The following SYNJ2 variants were observed in gnomAD, a reference collection of about 807,000 sequenced individuals.
The protein encoded by SYNJ2 is synaptojanin 2, also known as polyphosphatidylinositol phosphatase SYNJ2.
Under a neutral mutation model 141.3 loss-of-function variants are expected in SYNJ2, and 116 were observed. The ratio of observed to expected loss-of-function variants is 0.82; its 90% CI spans 0.71 to 0.96. The LOEUF is 0.96. Ranked by LOEUF, SYNJ2 falls within the 40% of genes least tolerant of loss-of-function variation. SYNJ2 has a pLI of 0.00. For synonymous variants in SYNJ2, 745 were observed against 777.7 expected (o/e 0.96, Z 0.70); for missense variants, 1,873 against 1,934.8 (o/e 0.97, Z 0.60).
At position 158,064,539 on chromosome 6, in the gene SYNJ2, G is replaced by C. The variant is rs1470846198; in HGVS notation, c.1210-62G>C. 4 of 1,589,470 alleles carry C rather than the reference G, an allele frequency of 2.5e-6. No individual in the cohort carries two copies. The Admixed American group carries it at 6.8e-5, about 27-fold the overall frequency. On this transcript the variant is annotated intron_variant, in intron 9 of 26. Coordinates refer to ENST00000355585, the MANE Select transcript of SYNJ2 (RefSeq NM_003898.4). ...GGCTGCCGAATAAGGAACCTCCTGG[G>C]ACAGTGGCTGCAGGGCCTCTGTGGG...
At chr6:158,063,590 C>A (rs908507172) in intron 8 of SYNJ2, among the ~76,000 whole-genome samples, 1 of 127,012 alleles carries the variant, frequency 7.9e-6, no homozygotes, top group Non-Finnish European at 1.6e-5. Flanking sequence ...ACCTGGGAGG[C>A]GGAGGTTGCA....
Position 158,069,541 on chromosome 6 carries a change from A to T in SYNJ2, c.1808A>T (p.Asn603Ile), listed in dbSNP as rs753131741. 6.2e-7 allele frequency: 1 copy of T among 1,612,898 alleles called. No individual in the cohort carries two copies. Among genetic ancestry groups the T allele is most frequent in the Non-Finnish European group, 8.5e-7 (1 of 1,179,212 alleles). ...TTCCTTTTCTCTTCCAGTACTACCA[A>T]CAAGAAGATGTGGGGTGAACAGCTT... Reference protein sequence around the residue: ...AGNIVNASTTNKKMWGEQLQK... With the variant: ...AGNIVNASTTIKKMWGEQLQK... The change falls in exon 14 of 27, where the codon AAC becomes ATC. Residue 603 changes from asparagine to isoleucine, a missense_variant. Physicochemically the swap from Asn to Ile is moderately radical, Grantham distance 149. Transcript: ENST00000355585.
chr6:158,058,108 T>C (rs1780980879), intron 6 of SYNJ2, among the ~76,000 whole-genome samples: 1 of 152,212 alleles, frequency 6.6e-6, no homozygotes, highest in Admixed American at 6.5e-5. Context: ...TTTAAAAAAT[T>C]CCGCTCATAA....
chr6:157,982,504 G>A lies in SYNJ2; in HGVS notation c.127+416G>A, dbSNP rs1777052763. Among the ~76,000 whole-genome samples, 2 of 152,244 alleles carry A rather than the reference G, an allele frequency of 1.3e-5. No individual in the cohort carries two copies. The highest frequency in any genetic ancestry group is 1.5e-5 in the Non-Finnish European group (1 of 68,048). ...TTGTGTTGGCGGCTCCACTCCTGGA[G>A]GGGATGGGGACAAAAGCCCCAAAAC... On this transcript the variant is annotated intron_variant, in intron 1 of 26. Transcript: ENST00000355585. This position sits in a 1 kb window ranked among gnomAD's most constrained non-coding sequence, Gnocchi z 4.0.
chr6:158,091,417 A>G lies in SYNJ2; in HGVS notation c.3565+1470A>G, dbSNP rs868625928. On this transcript the variant is annotated intron_variant, in intron 25 of 26. Transcript: ENST00000355585. ...TGGATAAACAAAATGTGGTCCATCA[A>G]TACAATGGAATATTGTTCAGCCATT... 1.5e-4 allele frequency among the ~76,000 whole-genome samples: 23 copies of G among 151,832 alleles called. No homozygotes were observed. The South Asian group carries it at 4.6e-3, about 30-fold the overall frequency.
At position 158,093,975 on chromosome 6, in the gene SYNJ2, C is replaced by T. The variant is rs757002735; in HGVS notation, c.3744+871C>T. 8 of 765,354 alleles carry T rather than the reference C, an allele frequency of 1.0e-5. No homozygotes were observed. In the Admixed American group the frequency reaches 1.2e-4, roughly 11 times the overall value. The allele number at this position is 765,354 out of a possible 1,614,324, so 47.4% of individuals were successfully genotyped here. A position where few individuals can be genotyped will look rare whatever the true frequency, so the allele number is the denominator to read the frequency against. ...TGTAAGGACAGTAGCAGCCCAAAGACTGGCATCTGTAGACACATCTGGATC... is the reference window on the plus strand; with the variant it reads ...TGTAAGGACAGTAGCAGCCCAAAGATTGGCATCTGTAGACACATCTGGATC... On this transcript the variant is annotated intron_variant, in intron 26 of 26. Transcript: ENST00000355585.
At chr6:158,087,747 T>C (rs1189833480) in intron 23 of SYNJ2, among the ~76,000 whole-genome samples, 1 of 152,178 alleles carries the variant, frequency 6.6e-6, no homozygotes, top group African/African-American at 2.4e-5. Flanking sequence ...AGTCATGTAT[T>C]ATTGTGGAAA....
At chr6:158,062,187 C>G (rs751236828) in intron 8 of SYNJ2, 23 bp downstream of exon 8, 1 of 1,604,416 alleles carries the variant, frequency 6.2e-7, no homozygotes, top group East Asian at 2.2e-5. Context: ...GCGCACTGTG[C>G]CGCGTCTTCT....
intron 6 of SYNJ2, among the ~76,000 whole-genome samples, chr6:158,058,534 A>G (rs1432263048): frequency 6.6e-6 from 1 of 152,214 alleles, no homozygotes; most frequent in South Asian, 2.1e-4. Flanking sequence ...TGAAAACAGG[A>G]TGCTGAGTTG....
rs139583049 is a variant in SYNJ2 at position 158,043,103 on chromosome 6, C to T, written c.712-213C>T. Among the ~76,000 whole-genome samples, 671 of 152,262 alleles carry T rather than the reference C, an allele frequency of 4.4e-3. 2 individuals are homozygous for T. Among genetic ancestry groups the T allele is most frequent in the Non-Finnish European group, 7.6e-3 (520 of 68,004 alleles). The stretch of plus-strand genomic sequence containing the variant: ...GCCCCAACCCCCAGCAGACCCCCTC[C>T]TCAGAGGCTGGTCGACAGCCAGCAT... On this transcript the variant is annotated intron_variant, in intron 4 of 26. Coordinates refer to ENST00000355585, the MANE Select transcript of SYNJ2 (RefSeq NM_003898.4). The surrounding 1 kb of genome is among the most constrained non-coding windows in gnomAD (Gnocchi z 4.0).
In SYNJ2 at chr6:158,069,514, C is replaced by T; in HGVS notation, c.1800-19C>T. ...CTTCCAGCTACCTGTAAACAGCATC[C>T]TTTCCTTTTCTCTTCCAGTACTACC... On this transcript the variant is annotated intron_variant, in intron 13 of 26. Coordinates refer to ENST00000355585, the MANE Select transcript of SYNJ2 (RefSeq NM_003898.4). The T allele has an allele frequency of 6.2e-7, 1 of 1,607,410 alleles. No individual in the cohort carries two copies. Among genetic ancestry groups the T allele is most frequent in the South Asian group, 1.1e-5 (1 of 90,402 alleles).
At position 158,040,061 on chromosome 6, in the gene SYNJ2, G is replaced by A. The variant is rs1779860221; in HGVS notation, c.712-3255G>A. Reference sequence around the variant, plus strand: ...TCGGCTTCTTAGGAATTAATTCTCAGGAAGCCAGAAAAGGGGGACCCTGTG... The same window carrying A: ...TCGGCTTCTTAGGAATTAATTCTCAAGAAGCCAGAAAAGGGGGACCCTGTG... On this transcript the variant is annotated intron_variant, in intron 4 of 26. Transcript: ENST00000355585. This position sits in a 1 kb window ranked among gnomAD's most constrained non-coding sequence, Gnocchi z 4.2. Among the ~76,000 whole-genome samples the A allele has an allele frequency of 6.6e-6, 1 of 152,204 alleles. No homozygotes were observed. Among genetic ancestry groups the A allele is most frequent in the Admixed American group, 6.5e-5 (1 of 15,286 alleles).
rs142523992 is a variant in SYNJ2, at chr6:158,047,528, G to A, written c.795+4129G>A. On this transcript the variant is annotated intron_variant, in intron 5 of 26. Transcript: ENST00000355585. ...ATGGGGGCTCATGCCTGTAATTCCA[G>A]CAATTTGGGAGGCCAAGGTGGACAG... is the stretch of plus-strand genomic sequence containing the variant. Among the ~76,000 whole-genome samples, 25 of 152,216 alleles carry A rather than the reference G, an allele frequency of 1.6e-4. No individual in the cohort carries two copies. In the East Asian group the frequency reaches 4.6e-3, roughly 28 times the overall value.
At chr6:158,032,050 C>T (rs1056005469) in intron 3 of SYNJ2, among the ~76,000 whole-genome samples, 12 of 152,154 alleles carry the variant, frequency 7.9e-5, no homozygotes, top group Non-Finnish European at 1.5e-4. Flanking sequence ...TGTTTTTGTA[C>T]AGCAATGCTT....
intron 4 of SYNJ2, among the ~76,000 whole-genome samples, chr6:158,038,395 C>T (rs1363302166): frequency 6.6e-6 from 1 of 152,182 alleles, no homozygotes; most frequent in Non-Finnish European, 1.5e-5. Flanking sequence ...CTGCCCCCGC[C>T]CCACCTAGAG....
intron 7 of SYNJ2, among the ~76,000 whole-genome samples, chr6:158,060,107 G>A (rs908074436): frequency 6.6e-6 from 1 of 152,316 alleles, no homozygotes; most frequent in East Asian, 1.9e-4. Context: ...CAGGAACTTC[G>A]GTGGCTTTCC....
At chr6:158,025,196 G>C (rs563141807) in intron 2 of SYNJ2, among the ~76,000 whole-genome samples, 4 of 152,284 alleles carry the variant, frequency 2.6e-5, no homozygotes, top group African/African-American at 9.6e-5. Context: ...TGACATGGTG[G>C]GAGAGGTGCA....
At chr6:157,988,147 C>T (rs1338388875) in intron 1 of SYNJ2, among the ~76,000 whole-genome samples, 3 of 152,242 alleles carry the variant, frequency 2.0e-5, no homozygotes, top group East Asian at 3.9e-4. Flanking sequence ...ACTGTGCAGC[C>T]GTATGTCCAC....
At position 158,071,771 on chromosome 6, in the gene SYNJ2, A is replaced by G. The variant is rs200810101; in HGVS notation, c.2110A>G (p.Thr704Ala). 360 of 1,613,526 alleles carry G rather than the reference A, an allele frequency of 2.2e-4. 1 individual carries two copies. The highest frequency in any genetic ancestry group is 2.7e-4 in the Non-Finnish European group (315 of 1,180,032). ...GCGGAATGAAGACTACAAGGAGATCACCCAGAAACTCTGCTTCCCAATGGT... is the reference window on the plus strand; with the variant it reads ...GCGGAATGAAGACTACAAGGAGATCGCCCAGAAACTCTGCTTCCCAATGGT... ...KERNEDYKEI[T>A]QKLCFPMGRN... is the part of the protein sequence containing the mutation. Residue 704 changes from threonine (T) to alanine (A), a missense_variant, in exon 15 of 27, where the codon ACC (threonine) becomes GCC (alanine). By Grantham distance (58) the Thr-to-Ala change is moderately conservative. Coordinates refer to ENST00000355585, the MANE Select transcript of SYNJ2 (RefSeq NM_003898.4). This position sits in a 1 kb window ranked among gnomAD's most constrained non-coding sequence, Gnocchi z 4.3.
Sources: gnomAD v4.1 joint callset for allele counts (sites outside exome capture counted in the v4.1 genomes callset) on GRCh38, gnomAD v4.1.1 for gene constraint, Gnocchi (gnomAD v3.1) non-coding constraint, MANE v1.5 for transcripts, NCBI Gene and HGNC (gene_info 2026-07-23, HGNC 2026-07-21) for gene names.